The following COL6A6 variants were observed in gnomAD, a reference collection of about 807,000 sequenced individuals.
The protein encoded by COL6A6 is collagen alpha-6(VI) chain.
In COL6A6, 183 loss-of-function variants were observed where a neutral mutation model predicts 208.6. That is an observed-to-expected ratio of 0.88 (90% CI 0.78 to 0.99). The LOEUF (loss-of-function observed/expected upper bound fraction) is 0.99, where lower values mean the gene tolerates loss of function less well. COL6A6 is among the 50% of genes least tolerant of loss of function. The pLI is 0.00. For synonymous variants in COL6A6, 973 were observed against 1,011.8 expected (o/e 0.96, Z 0.73); for missense variants, 2,816 against 2,815.2 (o/e 1.00, Z -0.01).
intron 6 of COL6A6, among the ~76,000 whole-genome samples, chr3:130,570,234 G>C (rs748204751): frequency 1.3e-5 from 2 of 152,200 alleles, no homozygotes; most frequent in Non-Finnish European, 2.9e-5. Context: ...CCAGTGCGAA[G>C]TGGGCTTATT....
chr3:130,648,080 G>T (rs997780437), intron 32 of COL6A6, among the ~76,000 whole-genome samples: 1 of 152,198 alleles, frequency 6.6e-6, no homozygotes, highest in Non-Finnish European at 1.5e-5. Context: ...TCAAAAATAA[G>T]TTATCAACTG....
chr3:130,531,040 A>T (rs1302737196), intron 1 of COL6A6, among the ~76,000 whole-genome samples: 2,119 of 18,550 alleles, frequency 0.11, 27 homozygotes, highest in Middle Eastern at 0.33. Flanking sequence ...ACACACACAG[A>T]CACACACACA....
chr3:130,574,589 C>A, intron 8 of COL6A6, 64 bp downstream of exon 8: 2 of 1,368,730 alleles, frequency 1.5e-6, no homozygotes, highest in Admixed American at 1.8e-5. Flanking sequence ...TTTCTTCCAG[C>A]TCCATTGTCA....
chr3:130,591,002 C>T (rs772787260), intron 12 of COL6A6, 39 bp from the exon 13 acceptor site: 2 of 1,491,492 alleles, frequency 1.3e-6, no homozygotes, highest in Non-Finnish European at 1.8e-6. Context: ...GATTTTTGGT[C>T]CATAGATGCA....
At chr3:130,523,947 T>G (rs1711229557) in intron 1 of COL6A6, among the ~76,000 whole-genome samples, 1 of 151,878 alleles carries the variant, frequency 6.6e-6, no homozygotes, top group Non-Finnish European at 1.5e-5. Context: ...TAAACTGAGA[T>G]TTTTTTCCAA....
At chr3:130,540,977 A>G (rs6806921) in intron 1 of COL6A6, among the ~76,000 whole-genome samples, 121,698 of 152,180 alleles carry the variant, frequency 0.8, 49,403 homozygotes, top group Non-Finnish European at 0.87. Context: ...ATGTGTGCAT[A>G]TATCTTTATA....
chr3:130,563,074 A>C lies in COL6A6; in HGVS notation c.71A>C (p.Glu24Ala), dbSNP rs1274781957. ...TATGTTTGTGGTTTTGCAGGCCCTG[A>C]GTATGCAGATGTTGTGTTTTTGGTG... Reference protein sequence around the residue: ...HISVNQDSGPEYADVVFLVDS... With the variant: ...HISVNQDSGPAYADVVFLVDS... The change falls in exon 3 of 37, where the codon GAG becomes GCG. Residue 24 changes from glutamate (E) to alanine (A), a missense_variant. By Grantham distance (107) the Glu-to-Ala change is moderately radical. Coordinates refer to ENST00000358511, the MANE Select transcript of COL6A6 (RefSeq NM_001102608.3). 1 of 1,606,206 alleles carries C rather than the reference A, an allele frequency of 6.2e-7. No homozygotes were observed. Among genetic ancestry groups the C allele is most frequent in the African/African-American group, 1.3e-5 (1 of 74,674 alleles).
At chr3:130,665,319 A>G (rs1424796870) in intron 36 of COL6A6, among the ~76,000 whole-genome samples, 1 of 152,194 alleles carries the variant, frequency 6.6e-6, no homozygotes, top group Non-Finnish European at 1.5e-5. Context: ...GGAAAAGCTA[A>G]GTGTTGAAAT....
At chr3:130,532,717 G>A (rs371500405) in intron 1 of COL6A6, among the ~76,000 whole-genome samples, 1 of 152,160 alleles carries the variant, frequency 6.6e-6, no homozygotes, top group East Asian at 1.9e-4. Flanking sequence ...AAAAGTAGTG[G>A]CCTAAAAACA....
At chr3:130,646,908 G>A (rs1014618629) in intron 32 of COL6A6, among the ~76,000 whole-genome samples, 1 of 152,164 alleles carries the variant, frequency 6.6e-6, no homozygotes, top group Non-Finnish European at 1.5e-5. Context: ...TTGTGGCAAG[G>A]GTGAAGGGTA....
chr3:130,614,230 T>C (rs2064443166), intron 23 of COL6A6, among the ~76,000 whole-genome samples: 1 of 152,320 alleles, frequency 6.6e-6, no homozygotes, highest in African/African-American at 2.4e-5. Flanking sequence ...GTATATTGAA[T>C]TGTATCAAAA....
In COL6A6 at chr3:130,599,791, C is replaced by T; in HGVS notation, c.4634C>T (p.Pro1545Leu). The T allele has an allele frequency of 1.2e-6, 2 of 1,613,726 alleles. No homozygotes were observed. Among genetic ancestry groups the T allele is most frequent in the Non-Finnish European group, 1.7e-6 (2 of 1,179,774 alleles). ...GGCTGGCCAGGCCCCCCCGGGACAC[C>T]AGGCTCCAGAAGAAAGACAGTAAGA... is the stretch of plus-strand genomic sequence containing the variant. ...RRGWPGPPGT[P>L]GSRRKTAAHG... The change falls in exon 20 of 37, where the codon CCA becomes CTA. Residue 1545 changes from proline to leucine, a missense_variant. Pro to Leu is a moderately conservative substitution (Grantham distance 98, BLOSUM62 -3). Transcript: ENST00000358511.
At chr3:130,528,074 A>G (rs954788606) in intron 1 of COL6A6, among the ~76,000 whole-genome samples, 3 of 152,014 alleles carry the variant, frequency 2.0e-5, no homozygotes, top group Non-Finnish European at 4.4e-5. Flanking sequence ...AAGCTTAATC[A>G]TAGATTTGAG....
At chr3:130,600,983 GGTTT>G (rs936383984) in intron 20 of COL6A6, among the ~76,000 whole-genome samples, 24 of 152,090 alleles carry the variant, frequency 1.6e-4, no homozygotes, top group African/African-American at 5.8e-4. Context: ...GTGCAGTTTT[GGTTT>G]GTTTTTTATT....
chr3:130,587,719 G>A (rs769792842), intron 11 of COL6A6, among the ~76,000 whole-genome samples: 2 of 152,192 alleles, frequency 1.3e-5, no homozygotes, highest in Non-Finnish European at 2.9e-5. Context: ...GCTAGCTCCT[G>A]CTGTTTTCCA....
At chr3:130,641,754 AT>A in intron 29 of COL6A6, 40 bp downstream of exon 29, 2 of 1,258,634 alleles carry the variant, frequency 1.6e-6, no homozygotes, top group South Asian at 1.4e-5. Context: ...GTCCTTTTCC[AT>A]TAAAAAAAAA....
chr3:130,569,715 G>A (rs1319933506), intron 6 of COL6A6, among the ~76,000 whole-genome samples: 1 of 152,168 alleles, frequency 6.6e-6, no homozygotes, highest in Non-Finnish European at 1.5e-5. Context: ...CCAGTCTCCT[G>A]GGTAATCCAA....
chr3:130,561,399 TG>T (rs1320771968), intron 2 of COL6A6, among the ~76,000 whole-genome samples: 2 of 152,096 alleles, frequency 1.3e-5, no homozygotes, highest in African/African-American at 4.8e-5. Context: ...AATCTCAGAG[TG>T]GTTAGATTTG....
At chr3:130,529,858 T>C (rs572292894) in intron 1 of COL6A6, among the ~76,000 whole-genome samples, 1 of 152,356 alleles carries the variant, frequency 6.6e-6, no homozygotes, top group Admixed American at 6.5e-5. Context: ...ACCTGGTATA[T>C]GGCAGGGGCT....
Sources: allele counts gnomAD v4.1 joint callset (sites outside exome capture counted in the v4.1 genomes callset), GRCh38; gene constraint gnomAD v4.1.1; transcripts MANE v1.5; gene names NCBI Gene and HGNC (gene_info 2026-07-23, HGNC 2026-07-21).